Variants in ELAPOR2 observed in about 807,000 individuals in gnomAD.
ELAPOR2 encodes the protein endosome-lysosome associated apoptosis and autophagy regulator family member 2, also known as endosome/lysosome-associated apoptosis and autophagy regulator family member 2.
A neutral mutation model predicts 120.7 loss-of-function variants in ELAPOR2; 89 were observed. The ratio of observed to expected loss-of-function variants is 0.74; its 90% CI spans 0.62 to 0.88. The LOEUF (loss-of-function observed/expected upper bound fraction) is 0.88, where lower values mean the gene tolerates loss of function less well. Ranked by LOEUF, ELAPOR2 falls within the 40% of genes least tolerant of loss-of-function variation. ELAPOR2 has a pLI of 0.00. For missense variants in ELAPOR2, 1,134 were observed against 1,251.6 expected, an observed-to-expected ratio of 0.91 and a Z score of 1.42; for synonymous variants, 444 against 444.9, an observed-to-expected ratio of 1.00 and a Z score of 0.03.
chr7:86,913,254 A>G, intron 13 of ELAPOR2, 50 bp from the exon 14 acceptor site: 1 of 1,575,018 alleles, frequency 6.3e-7, no homozygotes, highest in Non-Finnish European at 8.7e-7. Flanking sequence ...GCTTAGTTGT[A>G]CAACCAGATT....
chr7:87,040,838 CA>C (rs1424801853), intron 1 of ELAPOR2, among the ~76,000 whole-genome samples: 1 of 152,008 alleles, frequency 6.6e-6, no homozygotes. Context: ...ACATTCAAAC[CA>C]AAGGCAAAGA....
intron 1 of ELAPOR2, among the ~76,000 whole-genome samples, chr7:87,012,044 G>C (rs906151388): frequency 6.6e-6 from 1 of 152,044 alleles, no homozygotes; most frequent in African/African-American, 2.4e-5. Context: ...TTCTTTTATT[G>C]TACTAAATAA....
intron 19 of ELAPOR2, among the ~76,000 whole-genome samples, chr7:86,896,575 C>A (rs141801695): frequency 6.6e-6 from 1 of 152,200 alleles, no homozygotes; most frequent in East Asian, 1.9e-4. Context: ...GCCCACTCTC[C>A]CTTCAGGTTT....
chr7:86,913,767 T>C (rs189966047), intron 13 of ELAPOR2, among the ~76,000 whole-genome samples: 1 of 152,308 alleles, frequency 6.6e-6, no homozygotes, highest in Admixed American at 6.5e-5. Flanking sequence ...AGATGTGGAC[T>C]AGAGAGCAAA....
intron 2 of ELAPOR2, among the ~76,000 whole-genome samples, chr7:86,958,251 G>T (rs1350676036): frequency 6.6e-6 from 1 of 152,106 alleles, no homozygotes; most frequent in Non-Finnish European, 1.5e-5. Flanking sequence ...TTTTTATAAA[G>T]GGAGGGGGAA....
chr7:86,889,895 C>T (rs1168486114), intron 21 of ELAPOR2, among the ~76,000 whole-genome samples: 2 of 151,934 alleles, frequency 1.3e-5, no homozygotes, highest in Non-Finnish European at 2.9e-5. Context: ...CCTGATGGTT[C>T]ATAGCATTTG....
At chr7:87,022,487 A>G (rs1182964601) in intron 1 of ELAPOR2, among the ~76,000 whole-genome samples, 2 of 152,180 alleles carry the variant, frequency 1.3e-5, no homozygotes, top group East Asian at 1.9e-4. Flanking sequence ...TCATTGTTGA[A>G]CATTTGGGTT....
intron 15 of ELAPOR2, 31 bp downstream of exon 15, chr7:86,912,041 G>A (rs1423957261): frequency 1.9e-6 from 3 of 1,575,946 alleles, no homozygotes; most frequent in Non-Finnish European, 2.6e-6. Context: ...CTGAAATATA[G>A]GTCCATCTCA....
chr7:86,912,642 A>G (rs982205640), intron 14 of ELAPOR2, among the ~76,000 whole-genome samples: 1 of 152,232 alleles, frequency 6.6e-6, no homozygotes, highest in East Asian at 1.9e-4. Flanking sequence ...GCCAGCCTAT[A>G]GATAGGTAGT....
In ELAPOR2 at chr7:86,940,759, C is replaced by T. The variant is rs372256036; in HGVS notation, c.742-644G>A. Among the ~76,000 whole-genome samples the T allele has an allele frequency of 1.3e-5, 2 of 152,040 alleles. 1 individual carries two copies. The highest frequency in any genetic ancestry group is 4.8e-5 in the African/African-American group (2 of 41,496). On this transcript the variant is annotated intron_variant, in intron 5 of 21. Transcript: ENST00000450689. ...GTGAACTAATTTTAAGAGTTCCTTG[C>T]TTTCTTATTTACCCCCCTTATTCTT...
chr7:86,971,858 G>GA (rs1454073542), intron 1 of ELAPOR2, among the ~76,000 whole-genome samples: 2 of 151,818 alleles, frequency 1.3e-5, no homozygotes, highest in African/African-American at 4.8e-5. Context: ...AATCAGAGGT[G>GA]AAAAAAAATC....
chr7:87,023,707 T>C (rs1274639973), intron 1 of ELAPOR2, among the ~76,000 whole-genome samples: 1 of 152,186 alleles, frequency 6.6e-6, no homozygotes, highest in African/African-American at 2.4e-5. Context: ...GCATGGAATG[T>C]TCTTCCATTT....
intron 21 of ELAPOR2, among the ~76,000 whole-genome samples, chr7:86,888,209 G>A (rs114000109): frequency 0.011 from 1,624 of 152,166 alleles, 27 homozygotes; most frequent in African/African-American, 0.037. Flanking sequence ...TACACACTGA[G>A]TCTCTATATG....
chr7:86,946,079 A>C (rs866308156), intron 3 of ELAPOR2, among the ~76,000 whole-genome samples: 2 of 152,120 alleles, frequency 1.3e-5, no homozygotes, highest in Non-Finnish European at 2.9e-5. Flanking sequence ...TAATAAACAC[A>C]TGAACAATAA....
At chr7:86,987,039 C>A (rs1262883657) in intron 1 of ELAPOR2, among the ~76,000 whole-genome samples, 1 of 151,332 alleles carries the variant, frequency 6.6e-6, no homozygotes, top group East Asian at 1.9e-4. Flanking sequence ...AGAAATAACA[C>A]CACACATCTA....
Position 86,989,306 on chromosome 7 carries a change from T to C in ELAPOR2, c.190-24282A>G, listed in dbSNP as rs533967017. Among the ~76,000 whole-genome samples the C allele has an allele frequency of 3.3e-5, 5 of 152,310 alleles. No individual in the cohort carries two copies. The South Asian group carries it at 1.0e-3, about 32-fold the overall frequency. ...GTAAAATATGCACATACAAAATACG[T>C]GCATATTTAGAGATTAGAGATTCTT... On this transcript the variant is annotated intron_variant, in intron 1 of 21. Transcript: ENST00000450689.
chr7:86,989,970 A>G (rs2116592326), intron 1 of ELAPOR2, among the ~76,000 whole-genome samples: 1 of 152,182 alleles, frequency 6.6e-6, no homozygotes, highest in South Asian at 2.1e-4. Flanking sequence ...CTGAAATTTA[A>G]TCCCCACTGT....
chr7:86,991,972 TA>T (rs1792957226), intron 1 of ELAPOR2, among the ~76,000 whole-genome samples: 1 of 152,234 alleles, frequency 6.6e-6, no homozygotes, highest in South Asian at 2.1e-4. Flanking sequence ...AAGGGTGCTT[TA>T]ACTAGGCATG....
At chr7:86,914,387 T>A (rs918026630) in intron 13 of ELAPOR2, among the ~76,000 whole-genome samples, 5 of 152,090 alleles carry the variant, frequency 3.3e-5, no homozygotes, top group African/African-American at 1.2e-4. Context: ...ATGAAGAAAG[T>A]TGCCCATCTT....
Sources: allele counts gnomAD v4.1 joint callset (sites outside exome capture counted in the v4.1 genomes callset), GRCh38; gene constraint gnomAD v4.1.1; transcripts MANE v1.5; gene names NCBI Gene and HGNC (gene_info 2026-07-23, HGNC 2026-07-21).